MUSK: variants seen among roughly 807,000 people sequenced by gnomAD.
MUSK encodes the protein muscle, skeletal receptor tyrosine-protein kinase.
Under a neutral mutation model 88.7 loss-of-function variants are expected in MUSK, and 55 were observed. That is an observed-to-expected ratio of 0.62 (90% CI 0.50 to 0.78). The LOEUF is 0.78. Among genes scored for constraint, MUSK ranks in the 30% least tolerant of loss-of-function variants. MUSK has a pLI of 0.00. For synonymous variants in MUSK, 387 were observed against 391.9 expected, an observed-to-expected ratio of 0.99 and a Z score of 0.15; for missense variants, 1,015 against 1,074.3, an observed-to-expected ratio of 0.94 and a Z score of 0.77.
intron 1 of MUSK, among the ~76,000 whole-genome samples, chr9:110,670,385 C>T (rs147554986): frequency 7.9e-5 from 12 of 152,204 alleles, no homozygotes; most frequent in South Asian, 2.1e-4. Context: ...TTCTAAACCA[C>T]GCAGTTACAT....
chr9:110,798,974 G>T (rs2078052963), intron 14 of MUSK, among the ~76,000 whole-genome samples: 1 of 151,906 alleles, frequency 6.6e-6, no homozygotes, highest in African/African-American at 2.4e-5. Flanking sequence ...TCCAGTATAA[G>T]AAATTATTTT....
At chr9:110,747,511 T>A in intron 6 of MUSK, 130 bp from the exon 7 acceptor site, 2 of 900,812 alleles carry the variant, frequency 2.2e-6, no homozygotes, top group South Asian at 2.0e-5. Context: ...GGAGGGAAAA[T>A]CTTTTGGCTA....
chr9:110,760,476 T>C (rs546479138), intron 7 of MUSK, among the ~76,000 whole-genome samples: 31 of 152,098 alleles, frequency 2.0e-4, no homozygotes, highest in African/African-American at 6.5e-4. Flanking sequence ...AACTAAATAC[T>C]GCATGTTCCC....
In MUSK at chr9:110,689,729, G is replaced by GA. The variant is rs2076276919; in HGVS notation, c.358+2461_358+2462insA. ...TATATAACTATATATGTTATATATA[G>GA]TTTATATATAATATTATATATTATA... On this transcript the variant is annotated intron_variant, in intron 3 of 14. Transcript: ENST00000374448. Among the ~76,000 whole-genome samples the GA allele has an allele frequency of 2.0e-4, 5 of 25,204 alleles. 1 individual carries two copies. The South Asian group carries it at 7.7e-3, about 39-fold the overall frequency. The allele number at this position is 25,204 out of a possible 152,430, so 16.5% of individuals were successfully genotyped here.
chr9:110,711,895 A>G (rs2076676062), intron 5 of MUSK, among the ~76,000 whole-genome samples: 1 of 152,182 alleles, frequency 6.6e-6, no homozygotes, highest in African/African-American at 2.4e-5. Context: ...TGTGATTCCA[A>G]TTCTGTGGGA....
In MUSK at chr9:110,691,931, T is replaced by C. The variant is rs562855426; in HGVS notation, c.359-3472T>C. On this transcript the variant is annotated intron_variant, in intron 3 of 14. Coordinates refer to ENST00000374448, the MANE Select transcript of MUSK (RefSeq NM_005592.4). ...TGCAGAATGAGAGTTTTAAAATCCC[T>C]TTTCTTTAGTTTTAGTAGATATCCT... Among the ~76,000 whole-genome samples, 76 of 152,256 alleles carry C rather than the reference T, an allele frequency of 5.0e-4. 1 individual carries two copies. Among genetic ancestry groups the C allele is most frequent in the South Asian group, 3.3e-3 (16 of 4,822 alleles).
chr9:110,695,639 A>G, intron 4 of MUSK, 109 bp downstream of exon 4: 2 of 890,868 alleles, frequency 2.2e-6, no homozygotes, highest in East Asian at 3.0e-5. Flanking sequence ...AGTAGTTTCC[A>G]TGTACATTTT....
At chr9:110,721,994 G>T (rs1381449076) in intron 5 of MUSK, among the ~76,000 whole-genome samples, 1 of 152,102 alleles carries the variant, frequency 6.6e-6, no homozygotes, top group African/African-American at 2.4e-5. Context: ...AGTGGGGAAA[G>T]GACACCCTAT....
intron 5 of MUSK, among the ~76,000 whole-genome samples, chr9:110,728,893 T>C (rs904921624): frequency 6.6e-6 from 1 of 152,068 alleles, no homozygotes; most frequent in Non-Finnish European, 1.5e-5. Flanking sequence ...TTCTTTATTA[T>C]ATAATATGCT....
chr9:110,679,515 C>G (rs530284779), intron 1 of MUSK, among the ~76,000 whole-genome samples: 1 of 152,072 alleles, frequency 6.6e-6, no homozygotes, highest in South Asian at 2.1e-4. Context: ...TTTCATAGGT[C>G]AGCTTATACC....
chr9:110,776,748 C>T (rs1175055618), intron 11 of MUSK, 93 bp downstream of exon 11: 4 of 1,097,966 alleles, frequency 3.6e-6, no homozygotes, highest in Non-Finnish European at 5.3e-6. Flanking sequence ...ATGCCCAGAA[C>T]AGAATGTACA....
At chr9:110,689,674 T>TATAATATATAACTATATATAGTTATATAA (rs370936018) in intron 3 of MUSK, among the ~76,000 whole-genome samples, 3 of 72,368 alleles carry the variant, frequency 4.1e-5, no homozygotes, top group Non-Finnish European at 6.8e-5. Context: ...CATAGTATAT[T>TATAATATATAACTATATATAGTTATATAA]ATATATAACT....
chr9:110,757,911 T>G (rs779270535), intron 7 of MUSK, among the ~76,000 whole-genome samples: 9 of 152,210 alleles, frequency 5.9e-5, no homozygotes, highest in Non-Finnish European at 1.0e-4. Flanking sequence ...AATGGGTCCC[T>G]CTTTTGATCA....
chr9:110,714,739 T>G (rs751216887), intron 5 of MUSK, among the ~76,000 whole-genome samples: 4 of 152,214 alleles, frequency 2.6e-5, no homozygotes, highest in Non-Finnish European at 4.4e-5. Flanking sequence ...TCAATAGGAT[T>G]ACTTTTTCAA....
chr9:110,714,056 T>C (rs1403147908), intron 5 of MUSK, among the ~76,000 whole-genome samples: 1 of 152,154 alleles, frequency 6.6e-6, no homozygotes, highest in Non-Finnish European at 1.5e-5. Context: ...TTCTTTGTCC[T>C]GGTAATTAAG....
intron 8 of MUSK, among the ~76,000 whole-genome samples, chr9:110,766,125 G>A (rs945330603): frequency 2.0e-5 from 3 of 152,140 alleles, no homozygotes; most frequent in African/African-American, 4.8e-5. Context: ...GGTGGGTAGA[G>A]TAAATGTTTA....
In MUSK at chr9:110,697,450, G is replaced by A; in HGVS notation, c.612G>A (p.Val204=). ...TCGGGACAGCATATTCCAAAGTGGT[G>A]AAGCTGGAAGTTGAGGGTAAGGAGC... ...NSLGTAYSKV[V]KLEVEVFARI... The change falls in exon 5 of 15, where the codon GTG becomes GTA. Residue 204 remains valine, a synonymous_variant. Transcript: ENST00000374448. 1.9e-6 allele frequency: 3 copies of A among 1,607,974 alleles called. No homozygotes were observed. Among genetic ancestry groups the A allele is most frequent in the Non-Finnish European group, 2.5e-6 (3 of 1,176,596 alleles).
At chr9:110,743,234 C>T (rs1197885549) in intron 6 of MUSK, among the ~76,000 whole-genome samples, 1 of 152,114 alleles carries the variant, frequency 6.6e-6, no homozygotes, top group African/African-American at 2.4e-5. Context: ...CAGTTAGAGC[C>T]AAAGAGCAGG....
intron 5 of MUSK, among the ~76,000 whole-genome samples, chr9:110,709,947 C>A (rs1023134758): frequency 1.3e-5 from 2 of 151,448 alleles, no homozygotes; most frequent in African/African-American, 4.8e-5. Context: ...GAGTTCGAGG[C>A]CAGCCTGGGA....
Sources: gnomAD v4.1 joint callset for allele counts (sites outside exome capture counted in the v4.1 genomes callset) on GRCh38, gnomAD v4.1.1 for gene constraint, MANE v1.5 for transcripts, NCBI Gene and HGNC (gene_info 2026-07-23, HGNC 2026-07-21) for gene names.